The following FMO1 variants were observed in gnomAD, a reference collection of about 807,000 sequenced individuals.
The protein encoded by FMO1 is flavin-containing monooxygenase 1.
A neutral mutation model predicts 45.4 loss-of-function variants in FMO1; 36 were observed. The observed-to-expected ratio is 0.79, with a 90% CI of 0.61 to 1.05. FMO1 has a LOEUF of 1.05. FMO1 is among the 50% of genes least tolerant of loss of function. FMO1 has a pLI of 0.00. For missense variants in FMO1, 615 were observed against 640.3 expected (o/e 0.96, Z 0.43); for synonymous variants, 228 against 227.2 (o/e 1.00, Z -0.03).
chr1:171,260,718 G>A (rs1660342174), intron 2 of FMO1, among the ~76,000 whole-genome samples: 1 of 151,818 alleles, frequency 6.6e-6, no homozygotes, highest in South Asian at 2.1e-4. Flanking sequence ...ATCACCTGAG[G>A]TCAGGAGTTC....
intron 1 of FMO1, among the ~76,000 whole-genome samples, chr1:171,249,369 T>A (rs1659776925): frequency 6.6e-6 from 1 of 152,170 alleles, no homozygotes; most frequent in Non-Finnish European, 1.5e-5. Context: ...GCTATGGCCT[T>A]GTAACTGGCA....
At chr1:171,260,937 A>G (rs1254214346) in intron 2 of FMO1, among the ~76,000 whole-genome samples, 1 of 147,466 alleles carries the variant, frequency 6.8e-6, no homozygotes, top group East Asian at 2.0e-4. Context: ...AAAAAAAAAG[A>G]ATATTGTGGA....
rs187854560 is a variant in FMO1 at position 171,251,135 on chromosome 1, G to A, written c.-7+2512G>A. ...ATCTTAAAACTAACCTTTGATGTAC[G>A]GCAGGTGCTTAAGTGCTTTTTACTT... is the stretch of plus-strand genomic sequence containing the variant. On this transcript the variant is annotated intron_variant, in intron 1 of 8. Coordinates refer to ENST00000617670, the MANE Select transcript of FMO1 (RefSeq NM_001282693.2). Among the ~76,000 whole-genome samples, 157 of 152,142 alleles carry A rather than the reference G, an allele frequency of 1.0e-3. 2 individuals carry two copies. The highest frequency in any genetic ancestry group is 3.9e-3 in the Admixed American group (59 of 15,284).
At chr1:171,262,800 GT>G (rs1269941691) in intron 2 of FMO1, among the ~76,000 whole-genome samples, 1 of 152,118 alleles carries the variant, frequency 6.6e-6, no homozygotes, top group African/African-American at 2.4e-5. Flanking sequence ...ATTCTTGGAG[GT>G]TCCCCAAATT....
intron 7 of FMO1, 66 bp downstream of exon 7, chr1:171,282,399 T>C: frequency 1.0e-6 from 1 of 1,004,846 alleles, no homozygotes; most frequent in East Asian, 2.4e-5. Flanking sequence ...ACTGGAAATG[T>C]TGAGACTATT....
At chr1:171,275,631 G>A (rs921351294) in intron 4 of FMO1, 123 bp downstream of exon 4, 3 of 656,414 alleles carry the variant, frequency 4.6e-6, no homozygotes, top group Admixed American at 3.3e-5. Flanking sequence ...GGTAGGAGGA[G>A]GCTTTTTTTG....
At chr1:171,272,431 A>G (rs984728890) in intron 3 of FMO1, among the ~76,000 whole-genome samples, 2 of 152,200 alleles carry the variant, frequency 1.3e-5, no homozygotes, top group African/African-American at 2.4e-5. Flanking sequence ...TGGAGCTGTG[A>G]GAAGAGGGCC....
At chr1:171,276,521 C>G (rs754000970) in intron 4 of FMO1, among the ~76,000 whole-genome samples, 14 of 152,168 alleles carry the variant, frequency 9.2e-5, no homozygotes, top group Non-Finnish European at 1.9e-4. Flanking sequence ...TCTGAGCAGC[C>G]ATCCACTCCA....
intron 1 of FMO1, among the ~76,000 whole-genome samples, chr1:171,253,291 T>G (rs1202773654): frequency 1.3e-5 from 2 of 152,174 alleles, no homozygotes; most frequent in Non-Finnish European, 2.9e-5. Context: ...TACTGTGACT[T>G]TGTCTTCATA....
intron 2 of FMO1, among the ~76,000 whole-genome samples, chr1:171,265,760 C>T (rs921121580): frequency 6.6e-6 from 1 of 152,170 alleles, no homozygotes; most frequent in Non-Finnish European, 1.5e-5. Flanking sequence ...ATTAATCTTG[C>T]TTCCTGGTTG....
chr1:171,283,645 C>G (rs1661487054), intron 8 of FMO1, among the ~76,000 whole-genome samples: 2 of 152,102 alleles, frequency 1.3e-5, no homozygotes. Context: ...TCTATCAGCT[C>G]TATTGTTTTT....
intron 1 of FMO1, among the ~76,000 whole-genome samples, chr1:171,256,757 A>G (rs1435704492): frequency 2.0e-5 from 3 of 152,182 alleles, no homozygotes; most frequent in African/African-American, 7.2e-5. Context: ...TTCCTAATCC[A>G]AAACAAAAAA....
rs757459270 is a variant in FMO1 at position 171,267,512 on chromosome 1, G to A, written c.133-31G>A. The stretch of plus-strand genomic sequence containing the variant: ...CCAGGCTTATTTATGAGCATGCAAT[G>A]AATGTTCATGTGTGTGCACTGTTTG... On this transcript the variant is annotated intron_variant, in intron 2 of 8. Coordinates refer to ENST00000617670, the MANE Select transcript of FMO1 (RefSeq NM_001282693.2). 5 of 1,516,230 alleles carry A rather than the reference G, an allele frequency of 3.3e-6. No individual in the cohort carries two copies. In the Admixed American group the frequency reaches 1.1e-4, roughly 32 times the overall value. 93.9% of individuals were successfully genotyped at this position (1,516,230 alleles called of 1,614,324 possible).
At chr1:171,265,474 G>A (rs1176897400) in intron 2 of FMO1, among the ~76,000 whole-genome samples, 1 of 150,954 alleles carries the variant, frequency 6.6e-6, no homozygotes, top group African/African-American at 2.4e-5. Context: ...AATACAAAAT[G>A]TAAATTTGAA....
At chr1:171,269,474 T>C (rs1660761266) in intron 3 of FMO1, among the ~76,000 whole-genome samples, 2 of 152,208 alleles carry the variant, frequency 1.3e-5, no homozygotes, top group Admixed American at 1.3e-4. Flanking sequence ...TCTGCAATTA[T>C]TAGTTTATTA....
rs1338874613 is a variant in FMO1 at position 171,275,504 on chromosome 1, T to G, written c.480T>G (p.Phe160Leu). The G allele has an allele frequency of 2.5e-6, 4 of 1,609,964 alleles. No individual in the cohort carries two copies. In the Admixed American group the frequency reaches 6.7e-5, roughly 27 times the overall value. The change falls in exon 4 of 9, where the codon TTT becomes TTG. Residue 160 changes from phenylalanine (F) to leucine (L), a missense_variant. Coordinates refer to ENST00000617670, the MANE Select transcript of FMO1 (RefSeq NM_001282693.2). Reference protein sequence around the residue: ...LTNPYLPLDSFPGINAFKGQY... With the variant: ...LTNPYLPLDSLPGINAFKGQY... ...ATCCTTATTTGCCACTGGATTCCTT[T>G]CCAGGTACAGCATTTTCTGTAACTA...
intron 2 of FMO1, among the ~76,000 whole-genome samples, chr1:171,267,149 C>T (rs1043285212): frequency 2.0e-5 from 3 of 152,224 alleles, no homozygotes; most frequent in African/African-American, 4.8e-5. Flanking sequence ...TCCTGGCTAG[C>T]GCCCCCTTCC....
At chr1:171,266,322 T>C (rs1660617876) in intron 2 of FMO1, among the ~76,000 whole-genome samples, 1 of 152,222 alleles carries the variant, frequency 6.6e-6, no homozygotes, top group South Asian at 2.1e-4. Flanking sequence ...GATTTCTGTA[T>C]TTATCCTGTA....
At chr1:171,260,912 CAAAAA>C (rs71561566) in intron 2 of FMO1, among the ~76,000 whole-genome samples, 7 of 53,682 alleles carry the variant, frequency 1.3e-4, no homozygotes, top group African/African-American at 4.9e-4. Context: ...GGCTCCATCT[CAAAAA>C]AAAAAAAAAA....
Sources: allele counts gnomAD v4.1 joint callset (sites outside exome capture counted in the v4.1 genomes callset), GRCh38; gene constraint gnomAD v4.1.1; transcripts MANE v1.5; gene names NCBI Gene and HGNC (gene_info 2026-07-23, HGNC 2026-07-21).